The following SCML4 variants were observed in gnomAD, a reference collection of about 807,000 sequenced individuals.
SCML4 encodes Scm polycomb group protein like 4.
A neutral mutation model predicts 41.1 loss-of-function variants in SCML4; 34 were observed. The ratio of observed to expected loss-of-function variants is 0.83; its 90% CI spans 0.63 to 1.10. SCML4 has a LOEUF of 1.10. SCML4 is among the 50% of genes least tolerant of loss of function. The pLI is 0.00. For synonymous variants in SCML4, 214 were observed against 220.9 expected, an observed-to-expected ratio of 0.97 and a Z score of 0.28; for missense variants, 522 against 534.1, an observed-to-expected ratio of 0.98 and a Z score of 0.22.
chr6:107,730,291 CAG>C (rs912443797), intron 5 of SCML4, among the ~76,000 whole-genome samples: 2 of 152,040 alleles, frequency 1.3e-5, no homozygotes, highest in Admixed American at 1.3e-4. Flanking sequence ...CTCCTGCACA[CAG>C]AGTCCCGGCA....
intron 5 of SCML4, among the ~76,000 whole-genome samples, chr6:107,731,283 G>A (rs971223628): frequency 3.9e-5 from 6 of 152,150 alleles, no homozygotes; most frequent in Admixed American, 2.6e-4. Context: ...CAGTGGGCTC[G>A]GACTATTGAT....
At chr6:107,726,119 C>A (rs919376621) in intron 5 of SCML4, among the ~76,000 whole-genome samples, 68 of 147,662 alleles carry the variant, frequency 4.6e-4, no homozygotes, top group African/African-American at 1.4e-3. Flanking sequence ...AGTGAAAGGA[C>A]AACTCACAAA....
At chr6:107,748,261 C>T (rs1778311039) in intron 3 of SCML4, among the ~76,000 whole-genome samples, 2 of 152,194 alleles carry the variant, frequency 1.3e-5, no homozygotes, top group South Asian at 4.1e-4. Context: ...CCTTCTCACT[C>T]CCCATCATCC....
chr6:107,825,737 G>A (rs567726166), upstream of SCML4, among the ~76,000 whole-genome samples: 6 of 151,174 alleles, frequency 4.0e-5, no homozygotes, highest in Non-Finnish European at 7.4e-5. Flanking sequence ...TCAGGAGATC[G>A]AGACCATCCT....
chr6:107,777,195 G>A (rs1244868553), intron 1 of SCML4, among the ~76,000 whole-genome samples: 4 of 152,122 alleles, frequency 2.6e-5, no homozygotes, highest in Admixed American at 2.0e-4. Flanking sequence ...TCGGCTCGCT[G>A]CAACCTCCGC....
intron 2 of SCML4, 150 bp from the exon 3 acceptor site, chr6:107,749,963 C>A: frequency 1.3e-6 from 1 of 747,964 alleles, no homozygotes. Flanking sequence ...GCTGCAGATT[C>A]AAGTTCATGC....
intron 2 of SCML4, among the ~76,000 whole-genome samples, chr6:107,751,822 G>A (rs947403577): frequency 2.0e-5 from 3 of 152,012 alleles, no homozygotes; most frequent in African/African-American, 7.2e-5. Flanking sequence ...TTTTAGTAGA[G>A]ACAGGCTTTC....
intron 1 of SCML4, among the ~76,000 whole-genome samples, chr6:107,806,185 T>C (rs1032042481): frequency 1.7e-4 from 1 of 5,938 alleles, no homozygotes; most frequent in Non-Finnish European, 9.3e-4. Flanking sequence ...AAACAGAGAT[T>C]TCCCCCCCCC....
intron 2 of SCML4, among the ~76,000 whole-genome samples, chr6:107,770,034 C>A (rs985518703): frequency 6.6e-6 from 1 of 152,026 alleles, no homozygotes; most frequent in Admixed American, 6.6e-5. Context: ...GAGTTAAAAT[C>A]ATCAAATTAG....
At chr6:107,734,615 T>C (rs1776876573) in intron 5 of SCML4, among the ~76,000 whole-genome samples, 1 of 152,200 alleles carries the variant, frequency 6.6e-6, no homozygotes, top group African/African-American at 2.4e-5. Context: ...TCCCTTTTAG[T>C]TCAATATTTT....
intron 4 of SCML4, chr6:107,746,280 G>A: frequency 6.0e-6 from 1 of 167,980 alleles, no homozygotes; most frequent in Non-Finnish European, 1.3e-5. Flanking sequence ...AGGGTTTAGG[G>A]CAGAGGAGGG....
rs1165620089 is a variant in SCML4, at chr6:107,704,614, A to C, written c.*586T>G. The C allele has an allele frequency of 6.3e-6, 1 of 157,660 alleles. No homozygotes were observed. Among genetic ancestry groups the C allele is most frequent in the Non-Finnish European group, 1.4e-5 (1 of 72,498 alleles). The allele number at this position is 157,660 out of a possible 1,614,324, so 9.8% of individuals were successfully genotyped here. On this transcript the variant is annotated 3_prime_UTR_variant, in exon 8 of 8. Coordinates refer to ENST00000369020, the MANE Select transcript of SCML4 (RefSeq NM_198081.5). ...GCAGTCTGCCCTCTAGCGGAGAAACACAGTACTTCAGATTTTCTAGGAACA... is the reference window on the plus strand; with the variant it reads ...GCAGTCTGCCCTCTAGCGGAGAAACCCAGTACTTCAGATTTTCTAGGAACA...
chr6:107,738,621 GA>G (rs1331175023), intron 5 of SCML4, among the ~76,000 whole-genome samples: 1 of 150,068 alleles, frequency 6.7e-6, no homozygotes, highest in Non-Finnish European at 1.5e-5. Context: ...AGTCCATCTT[GA>G]AAAAAAAAGG....
At chr6:107,837,030 C>A in the SCML4 span, among the ~76,000 whole-genome samples, 12 of 152,204 alleles carry the variant, frequency 7.9e-5, no homozygotes, top group Non-Finnish European at 1.8e-4. Flanking sequence ...TTTGTCCCTG[C>A]ATACATTAGG....
Position 107,703,260 on chromosome 6 carries a change from C to T in SCML4, c.*1940G>A, listed in dbSNP as rs1366797007. 2.6e-5 allele frequency among the ~76,000 whole-genome samples: 4 copies of T among 152,082 alleles called. 1 individual carries two copies. The South Asian group carries it at 6.2e-4, about 24-fold the overall frequency. On this transcript the variant is annotated 3_prime_UTR_variant, in exon 8 of 8. Transcript: ENST00000369020. ...CTTTCACTTTACTTTATGGACTCAC[C>T]CTGAATTCTTTCTTGCATGAGATCC...
At chr6:107,803,876 C>A (rs1364233582) in intron 1 of SCML4, among the ~76,000 whole-genome samples, 2 of 151,330 alleles carry the variant, frequency 1.3e-5, no homozygotes, top group Admixed American at 6.6e-5. Context: ...GTCATCACCA[C>A]TCCCTAATCT....
chr6:107,744,391 G>A (rs1777869077), intron 5 of SCML4, among the ~76,000 whole-genome samples: 1 of 152,166 alleles, frequency 6.6e-6, no homozygotes, highest in African/African-American at 2.4e-5. Flanking sequence ...TTTCCATCTT[G>A]TGATGAGAAC....
intron 2 of SCML4, among the ~76,000 whole-genome samples, chr6:107,760,610 T>A (rs1779505589): frequency 6.6e-6 from 1 of 152,134 alleles, no homozygotes; most frequent in Non-Finnish European, 1.5e-5. Flanking sequence ...CTCAGGTGAC[T>A]GGAAAGGCAA....
At chr6:107,739,351 T>C (rs1047940284) in intron 5 of SCML4, among the ~76,000 whole-genome samples, 28 of 152,050 alleles carry the variant, frequency 1.8e-4, no homozygotes, top group Admixed American at 8.5e-4. Flanking sequence ...GAACATAAAA[T>C]CACATCTTTC....
Sources: gnomAD v4.1 joint callset for allele counts (sites outside exome capture counted in the v4.1 genomes callset) on GRCh38, gnomAD v4.1.1 for gene constraint, MANE v1.5 for transcripts, NCBI Gene and HGNC (gene_info 2026-07-23, HGNC 2026-07-21) for gene names.